The following BORCS5 variants were observed in gnomAD, a reference collection of about 807,000 sequenced individuals.
The protein encoded by BORCS5 is BLOC-1 related complex subunit 5.
A neutral mutation model predicts 22.1 loss-of-function variants in BORCS5; 17 were observed. The ratio of observed to expected loss-of-function variants is 0.77; its 90% confidence interval spans 0.53 to 1.15. BORCS5 has a LOEUF of 1.15. Ranked by LOEUF, BORCS5 falls within the 50% of genes most tolerant of loss-of-function variation. The pLI is 0.00. For missense variants in BORCS5, 247 were observed against 253.2 expected (o/e 0.98, Z 0.17); for synonymous variants, 117 against 99.8 (o/e 1.17, Z -1.03).
intron 2 of BORCS5, among the ~76,000 whole-genome samples, chr12:12,398,079 C>T (rs193299036): frequency 8.5e-5 from 13 of 152,256 alleles, no homozygotes; most frequent in Admixed American, 2.6e-4. Flanking sequence ...ATGTGTATAG[C>T]GCTTTGGGTC....
chr12:12,369,543 C>A (rs1292780036), intron 2 of BORCS5, among the ~76,000 whole-genome samples: 1 of 151,758 alleles, frequency 6.6e-6, no homozygotes, highest in East Asian at 1.9e-4. Context: ...ATTTTAGTTT[C>A]TTTTCTGGCT....
At chr12:12,403,385 T>A (rs569394099) in intron 2 of BORCS5, among the ~76,000 whole-genome samples, 2 of 152,328 alleles carry the variant, frequency 1.3e-5, no homozygotes, top group African/African-American at 4.8e-5. Context: ...TTCTGCTGGC[T>A]TTTCTGTGGC....
chr12:12,454,630 A>G (rs575143498), intron 3 of BORCS5, among the ~76,000 whole-genome samples: 3 of 152,350 alleles, frequency 2.0e-5, no homozygotes, highest in African/African-American at 7.2e-5. Context: ...GAAGCTTTAT[A>G]TAAAATATGT....
chr12:12,433,621 GATCTCAATAAAA>G (rs1942485315), intron 2 of BORCS5, among the ~76,000 whole-genome samples: 2 of 152,180 alleles, frequency 1.3e-5, no homozygotes, highest in African/African-American at 4.8e-5. Context: ...CTATACATAG[GATCTCAATAAAA>G]ATTTCAATTA....
At chr12:12,409,744 C>T (rs1213109509) in intron 2 of BORCS5, among the ~76,000 whole-genome samples, 2 of 151,998 alleles carry the variant, frequency 1.3e-5, no homozygotes, top group Non-Finnish European at 2.9e-5. Flanking sequence ...GGTATATACC[C>T]AGTAATGGGA....
intron 2 of BORCS5, among the ~76,000 whole-genome samples, chr12:12,410,886 G>C (rs1489659653): frequency 6.6e-6 from 1 of 150,764 alleles, no homozygotes; most frequent in Admixed American, 6.7e-5. Flanking sequence ...ATTTGTTTGT[G>C]TGTTCTTTTA....
At chr12:12,405,306 ACTC>A (rs1191088212) in intron 2 of BORCS5, among the ~76,000 whole-genome samples, 1 of 152,070 alleles carries the variant, frequency 6.6e-6, no homozygotes, top group East Asian at 1.9e-4. Context: ...TTTTAAATGA[ACTC>A]CTCAAGTAAG....
intron 2 of BORCS5, among the ~76,000 whole-genome samples, chr12:12,388,369 A>G (rs1863927860): frequency 6.6e-6 from 1 of 151,316 alleles, no homozygotes; most frequent in Non-Finnish European, 1.5e-5. Flanking sequence ...CCAAACCTCA[A>G]ATAGGATAGC....
Position 12,357,227 on chromosome 12 carries a change from C to T in BORCS5, c.-225C>T, listed in dbSNP as rs1156562348. On this transcript the variant is annotated 5_prime_UTR_variant, in exon 1 of 4. Coordinates refer to ENST00000314565, the MANE Select transcript of BORCS5 (RefSeq NM_058169.6). ...AAGGAGGGCTAGCCGCGTGCGTTCG[C>T]GCCGCGCCTCCTTGCGTTTCTGTTC... 2.0e-6 allele frequency: 3 copies of T among 1,476,918 alleles called. No homozygotes were observed. Among genetic ancestry groups the T allele is most frequent in the Admixed American group, 2.4e-5 (1 of 41,852 alleles). 91.5% of individuals were successfully genotyped at this position (1,476,918 alleles called of 1,614,324 possible). A position where few individuals can be genotyped will look rare whatever the true frequency, so the allele number is the denominator to read the frequency against.
intron 3 of BORCS5, among the ~76,000 whole-genome samples, chr12:12,450,179 G>A (rs1942882410): frequency 6.6e-6 from 1 of 152,234 alleles, no homozygotes; most frequent in Non-Finnish European, 1.5e-5. Context: ...CAGGAGATCT[G>A]GAGTTCTGTC....
chr12:12,380,316 C>T (rs978166128), intron 2 of BORCS5, among the ~76,000 whole-genome samples: 3 of 151,134 alleles, frequency 2.0e-5, no homozygotes, highest in African/African-American at 7.3e-5. Context: ...CTGTGAAGCA[C>T]AATTTAAAAA....
intron 2 of BORCS5, among the ~76,000 whole-genome samples, chr12:12,375,173 G>A (rs146450833): frequency 0.018 from 2,697 of 152,036 alleles, 34 homozygotes; most frequent in Non-Finnish European, 0.027. Context: ...CACCATGCCC[G>A]GCTAATTTTT....
chr12:12,469,888 G>A lies in BORCS5; in HGVS notation c.*4112G>A, dbSNP rs953260930. 1.3e-5 allele frequency among the ~76,000 whole-genome samples: 2 copies of A among 152,012 alleles called. No homozygotes were observed. The highest frequency in any genetic ancestry group is 2.9e-5 in the Non-Finnish European group (2 of 68,008). ...TTTGCTTTTCTTTCCCTGACCTTTC[G>A]CTTCATTCCTTTGTTAAGAACTATA... On this transcript the variant is annotated 3_prime_UTR_variant, in exon 4 of 4. Coordinates refer to ENST00000314565, the MANE Select transcript of BORCS5 (RefSeq NM_058169.6).
chr12:12,379,815 T>A (rs188745178), intron 2 of BORCS5, among the ~76,000 whole-genome samples: 1 of 151,586 alleles, frequency 6.6e-6, no homozygotes, highest in Non-Finnish European at 1.5e-5. Flanking sequence ...GCACTTTTAA[T>A]TCCCTTTAAG....
chr12:12,459,633 A>G (rs759921487), intron 3 of BORCS5, among the ~76,000 whole-genome samples: 1 of 152,114 alleles, frequency 6.6e-6, no homozygotes, highest in African/African-American at 2.4e-5. Context: ...TTTTTCTCCT[A>G]TATTTTCTTC....
chr12:12,460,211 G>A lies in BORCS5; in HGVS notation c.361-5335G>A, dbSNP rs148840713. 2.9e-3 allele frequency among the ~76,000 whole-genome samples: 443 copies of A among 152,284 alleles called. 3 individuals are homozygous for A. Among genetic ancestry groups the A allele is most frequent in the African/African-American group, 8.9e-3 (368 of 41,558 alleles). On this transcript the variant is annotated intron_variant, in intron 3 of 3. Coordinates refer to ENST00000314565, the MANE Select transcript of BORCS5 (RefSeq NM_058169.6). The stretch of plus-strand genomic sequence containing the variant: ...CAGAGCGATGTTTTGTAATATCAGT[G>A]TACAGATCTTATACATATTTTGCTG...
intron 2 of BORCS5, among the ~76,000 whole-genome samples, chr12:12,391,844 C>T (rs1175357861): frequency 4.4e-5 from 6 of 137,502 alleles, no homozygotes; most frequent in East Asian, 4.5e-4. Context: ...CCAGCCTGGC[C>T]GACATGGTGA....
At chr12:12,423,343 C>G (rs533935771) in intron 2 of BORCS5, among the ~76,000 whole-genome samples, 1 of 150,706 alleles carries the variant, frequency 6.6e-6, no homozygotes, top group East Asian at 2.0e-4. Flanking sequence ...ATCTTTATTT[C>G]TTCACTCAAC....
rs1943293556 is a variant in BORCS5 at position 12,471,175 on chromosome 12, A to G, written c.*5399A>G. 6.6e-6 allele frequency among the ~76,000 whole-genome samples: 1 copy of G among 152,202 alleles called. No homozygotes were observed. The highest frequency in any genetic ancestry group is 2.4e-5 in the African/African-American group (1 of 41,456). ...GAACCAAAAGAATGAAACTGTTTTT[A>G]CATAAGTGCATATTGCTGTCTCTGC... On this transcript the variant is annotated 3_prime_UTR_variant, in exon 4 of 4. Coordinates refer to ENST00000314565, the MANE Select transcript of BORCS5 (RefSeq NM_058169.6).
Sources: allele counts gnomAD v4.1 joint callset (sites outside exome capture counted in the v4.1 genomes callset), GRCh38; gene constraint gnomAD v4.1.1; transcripts MANE v1.5; gene names NCBI Gene and HGNC (gene_info 2026-07-23, HGNC 2026-07-21).